CLVS2: variants seen among roughly 807,000 people sequenced by gnomAD.
CLVS2 encodes the protein clavesin-2.
A neutral mutation model predicts 29.0 loss-of-function variants in CLVS2; 19 were observed. The ratio of observed to expected loss-of-function variants is 0.66; its 90% CI spans 0.46 to 0.96. The LOEUF (loss-of-function observed/expected upper bound fraction) is 0.96, where lower values mean the gene tolerates loss of function less well. Among genes scored for constraint, CLVS2 ranks in the 40% least tolerant of loss-of-function variants. The probability of loss-of-function intolerance (pLI) is 0.00; values close to 1 mark genes in which losing one functional copy is unlikely to be tolerated. For synonymous variants in CLVS2, 161 were observed against 151.3 expected, an observed-to-expected ratio of 1.06 and a Z score of -0.47; for missense variants, 294 against 404.1, an observed-to-expected ratio of 0.73 and a Z score of 2.34.
At chr6:123,003,958 T>TTGTG (rs536683839) in intron 2 of CLVS2, among the ~76,000 whole-genome samples, 10 of 151,896 alleles carry the variant, frequency 6.6e-5, no homozygotes, top group Non-Finnish European at 1.5e-4. Flanking sequence ...TAGTCGCTTT[T>TTGTG]TGTGTGTGTG....
At chr6:123,049,695 A>G (rs1424464385) in intron 4 of CLVS2, among the ~76,000 whole-genome samples, 6 of 151,698 alleles carry the variant, frequency 4.0e-5, no homozygotes, top group South Asian at 2.1e-4. Context: ...CATGTTTCTC[A>G]ATGACCTAGA....
Position 123,071,839 on chromosome 6 carries a change from T to C in CLVS2, c.*8078T>C, listed in dbSNP as rs537238029. The C allele has an allele frequency of 1.3e-5, 2 of 152,196 alleles. No individual in the cohort carries two copies. The highest frequency in any genetic ancestry group is 4.1e-4 in the South Asian group (2 of 4,828). 9.4% of individuals were successfully genotyped at this position (152,196 alleles called of 1,614,324 possible). On this transcript the variant is annotated 3_prime_UTR_variant, in exon 6 of 6. Coordinates refer to ENST00000275162, the MANE Select transcript of CLVS2 (RefSeq NM_001010852.4). ...AATTGGGTTTCATGTTACATATCTT[T>C]AAATTTTTATGTTGAAAATTTATAG...
At chr6:123,028,989 A>G (rs1284376585) in intron 3 of CLVS2, among the ~76,000 whole-genome samples, 1 of 152,080 alleles carries the variant, frequency 6.6e-6, no homozygotes, top group Admixed American at 6.6e-5. Context: ...TCATGGTAAG[A>G]TTAGTGCTCT....
Position 123,022,577 on chromosome 6 carries a change from C to T in CLVS2, c.564+11418C>T, listed in dbSNP as rs145963307. On this transcript the variant is annotated intron_variant, in intron 3 of 5. Transcript: ENST00000275162. Reference sequence around the variant, plus strand: ...TGATGATGATAAAGATGATACTCTTCGATCTGGATCCCCAGAGAGGTCTTT... The same window carrying T: ...TGATGATGATAAAGATGATACTCTTTGATCTGGATCCCCAGAGAGGTCTTT... Among the ~76,000 whole-genome samples, 425 of 152,080 alleles carry T rather than the reference C, an allele frequency of 2.8e-3. 3 individuals carry two copies. Among genetic ancestry groups the T allele is most frequent in the Non-Finnish European group, 3.3e-3 (226 of 67,964 alleles).
intron 3 of CLVS2, among the ~76,000 whole-genome samples, chr6:123,040,051 C>T (rs963547134): frequency 1.2e-4 from 18 of 152,110 alleles, no homozygotes; most frequent in African/African-American, 1.9e-4. Flanking sequence ...ACATTAACAT[C>T]GTATCAAGGG....
At chr6:123,061,112 T>A (rs1244155627) in intron 5 of CLVS2, among the ~76,000 whole-genome samples, 3 of 152,022 alleles carry the variant, frequency 2.0e-5, no homozygotes, top group African/African-American at 7.2e-5. Flanking sequence ...ACCAGCCTGG[T>A]CAACATGGTG....
intron 3 of CLVS2, among the ~76,000 whole-genome samples, chr6:123,019,112 A>G (rs1774884279): frequency 6.6e-6 from 1 of 152,070 alleles, no homozygotes; most frequent in Admixed American, 6.6e-5. Flanking sequence ...CACATGCAAT[A>G]GATTCCTATG....
Position 123,070,611 on chromosome 6 carries a change from T to C in CLVS2, c.*6850T>C, listed in dbSNP as rs1772928554. ...AAGCCGATGTCTTTATATCAGTGTA[T>C]GAGAAGTCTTGATATGAAGGCAGTA... On this transcript the variant is annotated 3_prime_UTR_variant, in exon 6 of 6. Transcript: ENST00000275162. The C allele has an allele frequency of 6.6e-6, 1 of 152,022 alleles. No individual in the cohort carries two copies. Among genetic ancestry groups the C allele is most frequent in the Non-Finnish European group, 1.5e-5 (1 of 67,936 alleles). The allele number at this position is 152,022 out of a possible 1,614,324, so 9.4% of individuals were successfully genotyped here.
chr6:123,034,810 CTGGGAGAAGCCGGGCAAGGGGTGCA>C (rs1775128252), intron 3 of CLVS2, among the ~76,000 whole-genome samples: 1 of 152,080 alleles, frequency 6.6e-6, no homozygotes, highest in Non-Finnish European at 1.5e-5. Context: ...AGTAATTTCA[CTGGGAGAAGCCGGGCAAGGGGTGCA>C]TGGGACCACA....
chr6:123,012,745 A>G (rs563816166), intron 3 of CLVS2, among the ~76,000 whole-genome samples: 1 of 152,082 alleles, frequency 6.6e-6, no homozygotes, highest in South Asian at 2.1e-4. Context: ...CATTCTCTGC[A>G]TGGACCTGTA....
At chr6:123,050,831 A>G (rs1351109412) in intron 4 of CLVS2, among the ~76,000 whole-genome samples, 1 of 152,174 alleles carries the variant, frequency 6.6e-6, no homozygotes, top group East Asian at 1.9e-4. Context: ...TGCTCTGTTG[A>G]AAAAGACTGA....
Position 123,022,306 on chromosome 6 carries a change from TG to T in CLVS2, c.564+11148del, listed in dbSNP as rs1231537346. ...TGCCTCATTTGGTTTCTAGTAGTGT[TG>T]AAAATTCACCATAGTTTGTACTGTC... On this transcript the variant is annotated intron_variant, in intron 3 of 5. Transcript: ENST00000275162. Among the ~76,000 whole-genome samples the T allele has an allele frequency of 5.3e-5, 8 of 152,166 alleles. No individual in the cohort carries two copies. The South Asian group carries it at 1.4e-3, about 28-fold the overall frequency.
In CLVS2 at chr6:123,072,013, T is replaced by C. The variant is rs572422808; in HGVS notation, c.*8252T>C. 2 of 152,156 alleles carry C rather than the reference T, an allele frequency of 1.3e-5. No individual in the cohort carries two copies. Among genetic ancestry groups the C allele is most frequent in the Admixed American group, 1.3e-4 (2 of 15,248 alleles). 9.4% of individuals were successfully genotyped at this position (152,156 alleles called of 1,614,324 possible). ...ACTATCCCAAATTTTTATTTCCTAT[T>C]TGGACTGACTTCTCCATAATTTTAG... On this transcript the variant is annotated 3_prime_UTR_variant, in exon 6 of 6. Transcript: ENST00000275162.
At position 123,063,847 on chromosome 6, in the gene CLVS2, C is replaced by A; in HGVS notation, c.*86C>A. On this transcript the variant is annotated 3_prime_UTR_variant, in exon 6 of 6. Transcript: ENST00000275162. ...GACAACACTGTAGAGGAATTACCAG[C>A]TGGAAACCGACTTATTCATGTTAAT... 1.1e-6 allele frequency: 1 copy of A among 869,572 alleles called. No homozygotes were observed. Among genetic ancestry groups the A allele is most frequent in the Non-Finnish European group, 1.9e-6 (1 of 538,182 alleles). The allele number at this position is 869,572 out of a possible 1,614,324, so 53.9% of individuals were successfully genotyped here.
rs1408707806 is a variant in CLVS2 at position 123,066,888 on chromosome 6, TAA to T, written c.*3128_*3129del. On this transcript the variant is annotated 3_prime_UTR_variant, in exon 6 of 6. Coordinates refer to ENST00000275162, the MANE Select transcript of CLVS2 (RefSeq NM_001010852.4). ...TTATTTGAACATACTCATACAGTAT[TAA>T]GTCTCTGTTGTGTAAGTTAAATACA... 1 of 151,760 alleles carries T rather than the reference TAA, an allele frequency of 6.6e-6. No homozygotes were observed. The highest frequency in any genetic ancestry group is 1.5e-5 in the Non-Finnish European group (1 of 67,742). The allele number at this position is 151,760 out of a possible 1,614,324, so 9.4% of individuals were successfully genotyped here. A position where few individuals can be genotyped will look rare whatever the true frequency, so the allele number is the denominator to read the frequency against.
At chr6:123,026,032 C>T (rs1363392684) in intron 3 of CLVS2, among the ~76,000 whole-genome samples, 1 of 151,794 alleles carries the variant, frequency 6.6e-6, no homozygotes, top group Non-Finnish European at 1.5e-5. Context: ...AATTGTGACC[C>T]ACATAGTAGG....
intron 3 of CLVS2, among the ~76,000 whole-genome samples, chr6:123,027,757 A>G (rs1039177117): frequency 1.3e-5 from 2 of 152,228 alleles, no homozygotes; most frequent in Admixed American, 6.5e-5. Flanking sequence ...TGGCAAGACA[A>G]CAGTTTGGGA....
At chr6:123,032,550 AT>A in intron 3 of CLVS2, among the ~76,000 whole-genome samples, 1 of 152,250 alleles carries the variant, frequency 6.6e-6, no homozygotes, top group East Asian at 1.9e-4. Context: ...TATTCCTTAA[AT>A]TACTTTATCA....
intron 3 of CLVS2, among the ~76,000 whole-genome samples, chr6:123,040,769 A>AAAAAGAAAAG (rs79565060): frequency 0.078 from 11,384 of 145,986 alleles, 554 homozygotes; most frequent in South Asian, 0.1. Flanking sequence ...CTCCGTCTCA[A>AAAAAGAAAAG]AAAAGAAAAG....
Sources: gnomAD v4.1 joint callset for allele counts (sites outside exome capture counted in the v4.1 genomes callset) on GRCh38, gnomAD v4.1.1 for gene constraint, MANE v1.5 for transcripts, NCBI Gene and HGNC (gene_info 2026-07-23, HGNC 2026-07-21) for gene names.